SORCS3: variants seen among roughly 807,000 people sequenced by gnomAD.
The protein encoded by SORCS3 is VPS10 domain-containing receptor SorCS3.
SORCS3 carries 57 observed loss-of-function variants against 146.3 expected under a neutral mutation model. That is an observed-to-expected ratio of 0.39 (90% CI 0.31 to 0.49). SORCS3 has a LOEUF of 0.49. SORCS3 is among the 20% of genes least tolerant of loss of function. The pLI, the probability that SORCS3 is intolerant of heterozygous loss-of-function variation, is 0.92. For synonymous variants in SORCS3, 653 were observed against 618.5 expected (o/e 1.06, Z -0.83); for missense variants, 1,341 against 1,575.5 (o/e 0.85, Z 2.52).
At chr10:104,967,306 T>C (rs997897099) in intron 3 of SORCS3, among the ~76,000 whole-genome samples, 3 of 152,228 alleles carry the variant, frequency 2.0e-5, no homozygotes, top group African/African-American at 4.8e-5. Context: ...GAATGTAATA[T>C]ATAAAACACT....
intron 1 of SORCS3, among the ~76,000 whole-genome samples, chr10:104,666,981 C>T (rs2015786391): frequency 6.6e-6 from 1 of 151,772 alleles, no homozygotes; most frequent in Admixed American, 6.6e-5. Flanking sequence ...TGTTCTCATG[C>T]AGCTTAGTGT....
At chr10:105,237,644 T>C (rs529952905) in intron 20 of SORCS3, among the ~76,000 whole-genome samples, 1 of 152,316 alleles carries the variant, frequency 6.6e-6, no homozygotes, top group African/African-American at 2.4e-5. Context: ...GGCAAATGAA[T>C]GAATGTCTCT....
At chr10:104,939,305 A>T (rs1172617270) in intron 3 of SORCS3, among the ~76,000 whole-genome samples, 1 of 152,140 alleles carries the variant, frequency 6.6e-6, no homozygotes, top group African/African-American at 2.4e-5. Flanking sequence ...GTCTCCTGCT[A>T]AGTCGTAAAT....
intron 1 of SORCS3, among the ~76,000 whole-genome samples, chr10:104,661,672 T>TAG (rs2015702690): frequency 6.6e-6 from 1 of 151,560 alleles, no homozygotes; most frequent in Non-Finnish European, 1.5e-5. Flanking sequence ...GATTTGGGAA[T>TAG]ATAGATAGAT....
At position 104,896,233 on chromosome 10, in the gene SORCS3, C is replaced by A. The variant is rs1037192467; in HGVS notation, c.696-19600C>A. On this transcript the variant is annotated intron_variant, in intron 2 of 26. Transcript: ENST00000369701. ...TTTTCTGCTGCTGGAGTTGTCAGTT[C>A]CCCTCTTTGCAGGACACAGACTTCC... Among the ~76,000 whole-genome samples, 23 of 152,156 alleles carry A rather than the reference C, an allele frequency of 1.5e-4. 1 individual carries two copies. Among genetic ancestry groups the A allele is most frequent in the Non-Finnish European group, 2.6e-4 (18 of 68,036 alleles).
At chr10:105,156,526 C>A (rs1156777399) in intron 9 of SORCS3, among the ~76,000 whole-genome samples, 1 of 152,116 alleles carries the variant, frequency 6.6e-6, no homozygotes, top group African/African-American at 2.4e-5. Flanking sequence ...GGATCCTTTG[C>A]CAGCCAACTG....
chr10:105,256,345 G>A (rs1180867980), intron 24 of SORCS3, among the ~76,000 whole-genome samples: 1 of 152,180 alleles, frequency 6.6e-6, no homozygotes, highest in African/African-American at 2.4e-5. Context: ...TTATTAAATG[G>A]TTCTTAATAA....
At chr10:104,721,941 C>T (rs948262463) in intron 1 of SORCS3, among the ~76,000 whole-genome samples, 3 of 152,174 alleles carry the variant, frequency 2.0e-5, no homozygotes, top group Admixed American at 1.3e-4. Flanking sequence ...AATTTGACTT[C>T]CTCTTTTCCT....
At chr10:105,084,895 TG>T (rs1318991436) in intron 5 of SORCS3, among the ~76,000 whole-genome samples, 1 of 151,974 alleles carries the variant, frequency 6.6e-6, no homozygotes, top group African/African-American at 2.4e-5. Context: ...CATGCCTGGC[TG>T]TTTTTGTATT....
intron 1 of SORCS3, among the ~76,000 whole-genome samples, chr10:104,685,653 T>TA (rs775099156): frequency 6.9e-4 from 105 of 152,314 alleles, no homozygotes; most frequent in Non-Finnish European, 1.1e-3. Context: ...TTTAAGCCCT[T>TA]AAAAAAACTT....
intron 5 of SORCS3, among the ~76,000 whole-genome samples, chr10:105,081,143 T>A (rs1454667195): frequency 6.6e-6 from 1 of 152,222 alleles, no homozygotes; most frequent in Non-Finnish European, 1.5e-5. Context: ...TTATCATTTT[T>A]AAATTTAAAA....
intron 3 of SORCS3, among the ~76,000 whole-genome samples, chr10:104,961,963 A>G (rs2054798484): frequency 6.6e-6 from 1 of 152,212 alleles, no homozygotes; most frequent in African/African-American, 2.4e-5. Context: ...GGAACATAAT[A>G]TCAAGGTGGC....
intron 1 of SORCS3, among the ~76,000 whole-genome samples, chr10:104,737,539 G>A (rs1231949589): frequency 6.6e-6 from 1 of 152,036 alleles, no homozygotes; most frequent in East Asian, 1.9e-4. Flanking sequence ...GTGATGGTGA[G>A]CATTTTTTCA....
chr10:104,968,678 T>G (rs2054841224), intron 3 of SORCS3, among the ~76,000 whole-genome samples: 1 of 152,196 alleles, frequency 6.6e-6, no homozygotes, highest in Non-Finnish European at 1.5e-5. Flanking sequence ...ATCACATAAA[T>G]GCAGAACTCA....
chr10:104,709,012 T>G (rs2133437321), intron 1 of SORCS3, among the ~76,000 whole-genome samples: 1 of 152,364 alleles, frequency 6.6e-6, no homozygotes, highest in East Asian at 1.9e-4. Context: ...CTCCTCTGCC[T>G]TGGCCACCTG....
intron 5 of SORCS3, 118 bp downstream of exon 5, chr10:105,043,246 T>C (rs980984906): frequency 1.2e-6 from 1 of 855,854 alleles, no homozygotes. Context: ...AGTCCTTTGC[T>C]ACACAGAGTG....
chr10:105,218,162 G>T (rs71473550), intron 19 of SORCS3, among the ~76,000 whole-genome samples: 1,670 of 152,278 alleles, frequency 0.011, 12 homozygotes, highest in Non-Finnish European at 0.018. Flanking sequence ...GGGACCAAAA[G>T]TGGTAAGGGA....
chr10:105,041,847 A>G (rs954470086), intron 4 of SORCS3, among the ~76,000 whole-genome samples: 7 of 152,080 alleles, frequency 4.6e-5, no homozygotes, highest in Non-Finnish European at 1.0e-4. Context: ...CTTGATAGCC[A>G]CTCTGGCTTC....
intron 4 of SORCS3, among the ~76,000 whole-genome samples, chr10:105,007,921 T>G (rs906306272): frequency 6.6e-6 from 1 of 152,152 alleles, no homozygotes; most frequent in African/African-American, 2.4e-5. Context: ...AGAAGTCCCC[T>G]CTGGGCTGTA....
Sources: allele counts gnomAD v4.1 joint callset (sites outside exome capture counted in the v4.1 genomes callset), GRCh38; gene constraint gnomAD v4.1.1; transcripts MANE v1.5; gene names NCBI Gene and HGNC (gene_info 2026-07-23, HGNC 2026-07-21).